Variants in S100Z observed in about 807,000 individuals in gnomAD.
S100Z encodes the protein S100 calcium binding protein Z, also known as protein S100-Z.
S100Z carries 11 observed loss-of-function variants against 8.5 expected under a neutral mutation model. The ratio of observed to expected loss-of-function variants is 1.30; its 90% CI spans 0.82 to 2.15. The LOEUF is 2.15. Among genes scored for constraint, S100Z ranks in the 30% most tolerant of loss-of-function variants. S100Z has a pLI of 0.00. For synonymous variants in S100Z, 34 were observed against 43.8 expected (o/e 0.78, Z 0.89); for missense variants, 126 against 117.9 (o/e 1.07, Z -0.32).
At chr5:76,860,044 G>A (rs75203094) in intron 1 of S100Z, among the ~76,000 whole-genome samples, 4 of 152,260 alleles carry the variant, frequency 2.6e-5, no homozygotes, top group Non-Finnish European at 4.4e-5. Flanking sequence ...CTTGAATGAG[G>A]TATATCAGAC....
At chr5:76,909,176 G>T (rs1744562668) in intron 4 of S100Z, among the ~76,000 whole-genome samples, 1 of 152,074 alleles carries the variant, frequency 6.6e-6, no homozygotes, top group South Asian at 2.1e-4. Flanking sequence ...ACGGGTTCTT[G>T]GGCAGGGGGA....
the S100Z span, among the ~76,000 whole-genome samples, chr5:76,931,450 A>G: frequency 3.9e-4 from 60 of 152,194 alleles, 1 homozygote; most frequent in Non-Finnish European, 7.8e-4. Flanking sequence ...TAATCTCATC[A>G]TGAGGTCCCC....
chr5:76,936,452 T>G, the S100Z span, among the ~76,000 whole-genome samples: 1 of 152,006 alleles, frequency 6.6e-6, no homozygotes, highest in Non-Finnish European at 1.5e-5. Context: ...TGATTTATGG[T>G]TTTTCTTTTT....
In S100Z at chr5:76,897,787, C is replaced by T. The variant is rs183202112; in HGVS notation, c.*2+19953C>T. 6.6e-5 allele frequency among the ~76,000 whole-genome samples: 10 copies of T among 151,786 alleles called. No homozygotes were observed. The East Asian group carries it at 7.7e-4, about 12-fold the overall frequency. On this transcript the variant is annotated intron_variant, in intron 4 of 4. Coordinates refer to ENST00000317593, the MANE Select transcript of S100Z (RefSeq NM_130772.4). ...TTAAATTTCTTTTTTTTGCATTGTT[C>T]GCTGTTGGCATATACAAATGCTACT...
the S100Z span, among the ~76,000 whole-genome samples, chr5:76,936,656 CA>C: frequency 9.8e-5 from 11 of 112,052 alleles, no homozygotes; most frequent in East Asian, 1.8e-3. Flanking sequence ...CACACACACA[CA>C]ACCATGAAGG....
At chr5:76,941,125 T>C in the S100Z span, among the ~76,000 whole-genome samples, 1 of 152,206 alleles carries the variant, frequency 6.6e-6, no homozygotes, top group African/African-American at 2.4e-5. Flanking sequence ...AGGCTGTACA[T>C]GCAAGAACAA....
intron 4 of S100Z, among the ~76,000 whole-genome samples, chr5:76,899,853 G>A (rs1172682725): frequency 1.3e-5 from 2 of 151,932 alleles, no homozygotes; most frequent in African/African-American, 2.4e-5. Context: ...GTACCTTCAG[G>A]TGATTATTTA....
chr5:76,936,457 C>G, the S100Z span, among the ~76,000 whole-genome samples: 1 of 151,796 alleles, frequency 6.6e-6, no homozygotes, highest in Non-Finnish European at 1.5e-5. Flanking sequence ...TATGGTTTTT[C>G]TTTTTTATTT....
chr5:76,948,327 A>AAAT, the S100Z span, among the ~76,000 whole-genome samples: 1 of 151,614 alleles, frequency 6.6e-6, no homozygotes, highest in East Asian at 1.9e-4. Flanking sequence ...CTCTGTCTCT[A>AAAT]AATAAATAAA....
chr5:76,948,218 G>A, the S100Z span, among the ~76,000 whole-genome samples: 22 of 151,992 alleles, frequency 1.4e-4, no homozygotes, highest in African/African-American at 5.1e-4. Context: ...CCCAGCTACT[G>A]GGGAGGCTGA....
chr5:76,853,803 A>G (rs532971695), intron 1 of S100Z, among the ~76,000 whole-genome samples: 1 of 152,126 alleles, frequency 6.6e-6, no homozygotes, highest in Admixed American at 6.5e-5. Flanking sequence ...TCTTAAAAAA[A>G]AAAAAAAAGA....
intron 4 of S100Z, among the ~76,000 whole-genome samples, chr5:76,889,458 C>A (rs565072320): frequency 6.6e-6 from 1 of 152,102 alleles, no homozygotes; most frequent in Non-Finnish European, 1.5e-5. Flanking sequence ...TTCGCAGGGG[C>A]CTTTAAGCTT....
At chr5:76,858,055 C>T (rs950984758) in intron 1 of S100Z, among the ~76,000 whole-genome samples, 8 of 152,140 alleles carry the variant, frequency 5.3e-5, no homozygotes, top group African/African-American at 1.4e-4. Flanking sequence ...TTTGCTTTGT[C>T]AGTTATCTTT....
the S100Z span, among the ~76,000 whole-genome samples, chr5:76,931,204 T>C: frequency 3.3e-5 from 5 of 151,352 alleles, no homozygotes; most frequent in Non-Finnish European, 5.9e-5. Context: ...TTCCCTGGGC[T>C]CAGGTGACCC....
chr5:76,942,294 T>C, the S100Z span, among the ~76,000 whole-genome samples: 4 of 151,938 alleles, frequency 2.6e-5, no homozygotes, highest in African/African-American at 7.2e-5. Context: ...GTATTTTTAG[T>C]AGAGACGGGG....
At chr5:76,872,904 T>G (rs1743057811) in intron 2 of S100Z, among the ~76,000 whole-genome samples, 1 of 151,938 alleles carries the variant, frequency 6.6e-6, no homozygotes, top group Admixed American at 6.6e-5. Context: ...GCCCAGGAGG[T>G]CGAGGCTGCA....
chr5:76,875,337 G>C lies in S100Z; in HGVS notation c.-23G>C. On this transcript the variant is annotated 5_prime_UTR_variant, in exon 3 of 5. Coordinates refer to ENST00000317593, the MANE Select transcript of S100Z (RefSeq NM_130772.4). ...CCCCGGGTTTGGTGGCCTGCTTCTG[G>C]AGTGGTCAGTTCTGCTGCCGACATG... The C allele has an allele frequency of 6.2e-7, 1 of 1,602,914 alleles. No homozygotes were observed. The highest frequency in any genetic ancestry group is 8.5e-7 in the Non-Finnish European group (1 of 1,174,964).
chr5:76,915,368 C>G (rs1214633840), intron 4 of S100Z, among the ~76,000 whole-genome samples: 1 of 147,942 alleles, frequency 6.8e-6, no homozygotes, highest in Non-Finnish European at 1.5e-5. Context: ...CTTTGGGAGG[C>G]CGAGGCGGGC....
At position 76,883,770 on chromosome 5, in the gene S100Z, C is replaced by A. The variant is rs1358616363; in HGVS notation, c.*2+5936C>A. Among the ~76,000 whole-genome samples the A allele has an allele frequency of 2.6e-5, 4 of 152,340 alleles. No homozygotes were observed. In the South Asian group the frequency reaches 8.3e-4, roughly 32 times the overall value. ...GTCCGATTTCCACTGGGGTCCCGCA[C>A]AGATGGGACATGGCTTAGGAGGAGT... On this transcript the variant is annotated intron_variant, in intron 4 of 4. Coordinates refer to ENST00000317593, the MANE Select transcript of S100Z (RefSeq NM_130772.4).
Sources: allele counts gnomAD v4.1 joint callset (sites outside exome capture counted in the v4.1 genomes callset), GRCh38; gene constraint gnomAD v4.1.1; transcripts MANE v1.5; gene names NCBI Gene and HGNC (gene_info 2026-07-23, HGNC 2026-07-21).